The following RBM28 variants were observed in gnomAD, a reference collection of about 807,000 sequenced individuals.
RBM28 encodes RNA binding motif protein 28.
A neutral mutation model predicts 98.3 loss-of-function variants in RBM28; 78 were observed. The ratio of observed to expected loss-of-function variants is 0.79; its 90% CI spans 0.66 to 0.96. The LOEUF (loss-of-function observed/expected upper bound fraction) is 0.96. Among genes scored for constraint, RBM28 ranks in the 40% least tolerant of loss-of-function variants. RBM28 has a pLI of 0.00. For missense variants in RBM28, 838 were observed against 913.0 expected, an observed-to-expected ratio of 0.92 and a Z score of 1.06; for synonymous variants, 306 against 330.9, an observed-to-expected ratio of 0.92 and a Z score of 0.82.
In RBM28 at chr7:128,299,639, G is replaced by A. The variant is rs1795755025; in HGVS notation, c.*11158C>T. ...TTCCATCACATAAAGAACTGGTTAT[G>A]TAAATTATGTTACACTGATACAATC... On this transcript the variant is annotated 3_prime_UTR_variant, in exon 19 of 19. Coordinates refer to ENST00000223073, the MANE Select transcript of RBM28 (RefSeq NM_018077.3). 2 of 152,224 alleles carry A rather than the reference G, an allele frequency of 1.3e-5. No individual in the cohort carries two copies. 9.4% of individuals were successfully genotyped at this position (152,224 alleles called of 1,614,324 possible).
Position 128,335,939 on chromosome 7 carries a change from ATCATCG to A in RBM28, c.711_716del (p.Asp240_Asp241del). ...CAAAAACCCCATCTTCTTCATCATCATCATCGTCATCATCATCGTTTTCTTCCTCTT... is the reference window on the plus strand; with the variant it reads ...CAAAAACCCCATCTTCTTCATCATCATCATCATCATCGTTTTCTTCCTCTT... On this transcript the variant is annotated inframe_deletion, in exon 7 of 19. Transcript: ENST00000223073. The A allele has an allele frequency of 6.2e-7, 1 of 1,604,642 alleles. No homozygotes were observed. The highest frequency in any genetic ancestry group is 8.5e-7 in the Non-Finnish European group (1 of 1,171,732).
intron 13 of RBM28, among the ~76,000 whole-genome samples, chr7:128,321,859 C>T (rs928603743): frequency 1.3e-5 from 2 of 152,046 alleles, no homozygotes; most frequent in South Asian, 2.1e-4. Flanking sequence ...ATCAGCCTGG[C>T]CAACATGGTG....
At chr7:128,319,923 T>C (rs1216597310) in intron 14 of RBM28, among the ~76,000 whole-genome samples, 1 of 151,930 alleles carries the variant, frequency 6.6e-6, no homozygotes, top group Non-Finnish European at 1.5e-5. Context: ...AAACAAGAAA[T>C]TAGTCAAGCA....
Position 128,337,118 on chromosome 7 carries a change from TA to T in RBM28, c.613+12del. 2 of 1,613,538 alleles carry T rather than the reference TA, an allele frequency of 1.2e-6. No individual in the cohort carries two copies. The highest frequency in any genetic ancestry group is 1.7e-6 in the Non-Finnish European group (2 of 1,179,506). On this transcript the variant is annotated intron_variant, in intron 6 of 18. Transcript: ENST00000223073. The stretch of plus-strand genomic sequence containing the variant: ...TACAACGCCCCTACTCACCCAACAC[TA>T]CCACATCTTACCTATAGCAGAAACA...
At chr7:128,336,928 T>C (rs1248102325) in intron 6 of RBM28, among the ~76,000 whole-genome samples, 3 of 152,130 alleles carry the variant, frequency 2.0e-5, no homozygotes, top group Non-Finnish European at 4.4e-5. Context: ...TTTGTATTTT[T>C]AGTAGAGATG....
intron 10 of RBM28, among the ~76,000 whole-genome samples, chr7:128,329,093 T>C (rs1796415349): frequency 6.6e-6 from 1 of 151,690 alleles, no homozygotes; most frequent in Non-Finnish European, 1.5e-5. Context: ...ACACACCAGG[T>C]CTTAAACTTT....
chr7:128,337,134 T>C lies in RBM28; in HGVS notation c.610A>G (p.Ile204Val), dbSNP rs756784651. 1.3e-5 allele frequency: 21 copies of C among 1,613,924 alleles called. No individual in the cohort carries two copies. Among genetic ancestry groups the C allele is most frequent in the African/African-American group, 2.7e-5 (2 of 74,922 alleles). The change falls in exon 6 of 19, where the codon ATA becomes GTA. Residue 204 changes from isoleucine to valine, a missense_variant. Transcript: ENST00000223073. ...ACCCAACACTACCACATCTTACCTA[T>C]AGCAGAAACAGACTGTGTATCTTTA... The part of the protein sequence containing the change: ...KYKDTQSVSA[I>V]GEEKSHESKH...
chr7:128,339,390 A>G, intron 2 of RBM28, 69 bp from the exon 3 acceptor site: 1 of 1,348,218 alleles, frequency 7.4e-7, no homozygotes, highest in Non-Finnish European at 1.0e-6. Context: ...CATCACAGAA[A>G]AAAAAGCTAC....
At chr7:128,314,675 C>T in intron 17 of RBM28, 89 bp downstream of exon 17, 1 of 1,593,542 alleles carries the variant, frequency 6.3e-7, no homozygotes, top group Admixed American at 1.7e-5. Flanking sequence ...TTCAACCAAA[C>T]AAATGCCACA....
chr7:128,333,235 G>C (rs1318121550), intron 9 of RBM28, 55 bp downstream of exon 9: 1 of 1,376,460 alleles, frequency 7.3e-7, no homozygotes, highest in African/African-American at 1.4e-5. Context: ...GAAGAAGAAG[G>C]AAGAGAGATC....
At position 128,335,846 on chromosome 7, in the gene RBM28, C is replaced by A; in HGVS notation, c.809+1G>T. The A allele has an allele frequency of 1.2e-6, 2 of 1,614,124 alleles. No homozygotes were observed. The highest frequency in any genetic ancestry group is 8.5e-7 in the Non-Finnish European group (1 of 1,180,028). ...GTCTCAGAACAGGATGAGCTGCTTA[C>A]CTCTTCTGAATTTGCACAGGCTTGG... On this transcript the variant is annotated splice_donor_variant, in intron 7 of 18. Coordinates refer to ENST00000223073, the MANE Select transcript of RBM28 (RefSeq NM_018077.3). LOFTEE classifies it high-confidence loss of function.
rs61733109 is a variant in RBM28 at position 128,333,354 on chromosome 7, C to T, written c.955G>A (p.Val319Ile). The part of the protein sequence containing the change: ...TEEQEDKAVQ[V>I]SNKKKRKLPS... ...AATTTCCTCTTCTTTTTGTTTGAGA[C>T]TTGCACAGCTAAGGTAAAAAGAAAA... Residue 319 changes from valine to isoleucine, a missense_variant, in exon 9 of 19, where the codon GTC (valine) becomes ATC (isoleucine). Physicochemically the swap from Val to Ile is conservative, Grantham distance 29. Coordinates refer to ENST00000223073, the MANE Select transcript of RBM28 (RefSeq NM_018077.3). 9,058 of 1,597,626 alleles carry T rather than the reference C, an allele frequency of 5.7e-3. 425 individuals carry two copies. The African/African-American group carries it at 0.1, about 18-fold the overall frequency.
intron 13 of RBM28, among the ~76,000 whole-genome samples, chr7:128,323,062 T>C (rs1253273674): frequency 6.6e-6 from 1 of 152,144 alleles, no homozygotes; most frequent in African/African-American, 2.4e-5. Flanking sequence ...AAATGGAGTT[T>C]TTCTAAAATG....
intron 18 of RBM28, 130 bp downstream of exon 18, chr7:128,313,045 C>T (rs557837328): frequency 2.2e-6 from 2 of 910,104 alleles, no homozygotes; most frequent in South Asian, 2.8e-5. Context: ...GCTCAACATT[C>T]TCTAAAAAGC....
rs981973073 is a variant in RBM28, at chr7:128,307,965, C to G, written c.*2832G>C. On this transcript the variant is annotated 3_prime_UTR_variant, in exon 19 of 19. Coordinates refer to ENST00000223073, the MANE Select transcript of RBM28 (RefSeq NM_018077.3). Reference sequence around the variant, plus strand: ...CCCCACCTGTTGTTTTTTAACCAAGCAATCTGCAACTCAACTTTCATGTTA... The same window carrying G: ...CCCCACCTGTTGTTTTTTAACCAAGGAATCTGCAACTCAACTTTCATGTTA... 1 of 152,144 alleles carries G rather than the reference C, an allele frequency of 6.6e-6. No individual in the cohort carries two copies. Among genetic ancestry groups the G allele is most frequent in the African/African-American group, 2.4e-5 (1 of 41,420 alleles). The allele number at this position is 152,144 out of a possible 1,614,324, so 9.4% of individuals were successfully genotyped here. A position where few individuals can be genotyped will look rare whatever the true frequency, so the allele number is the denominator to read the frequency against.
rs777298252 is a variant in RBM28, at chr7:128,325,946, G to C, written c.1130-55C>G. ...CCCAAACTCCCACAGATAAACCAAA[G>C]ACAACATTGCAAATGGCAACAGCCT... On this transcript the variant is annotated intron_variant, in intron 10 of 18. Coordinates refer to ENST00000223073, the MANE Select transcript of RBM28 (RefSeq NM_018077.3). The C allele has an allele frequency of 2.0e-5, 28 of 1,391,746 alleles. 1 individual carries two copies. The highest frequency in any genetic ancestry group is 2.6e-5 in the Non-Finnish European group (25 of 977,824). 86.2% of individuals were successfully genotyped at this position (1,391,746 alleles called of 1,614,324 possible). A position where few individuals can be genotyped will look rare whatever the true frequency, so the allele number is the denominator to read the frequency against.
intron 8 of RBM28, among the ~76,000 whole-genome samples, chr7:128,334,363 G>A (rs574285152): frequency 2.6e-5 from 4 of 152,282 alleles, no homozygotes; most frequent in Admixed American, 2.6e-4. Context: ...TTTTTTAGGT[G>A]AAAGAATGGC....
In RBM28 at chr7:128,336,001, T is replaced by C; in HGVS notation, c.655A>G (p.Lys219Glu). 5.6e-6 allele frequency: 9 copies of C among 1,612,182 alleles called. No individual in the cohort carries two copies. The highest frequency in any genetic ancestry group is 7.6e-6 in the Non-Finnish European group (9 of 1,178,916). Reference sequence around the variant, plus strand: ...TCCTCTTCCTCTCTGCCCTTCTTTTTAACTGATTCCTGATGTTTAGATTCA... The same window carrying C: ...TCCTCTTCCTCTCTGCCCTTCTTTTCAACTGATTCCTGATGTTTAGATTCA... ...SHESKHQESV[K>E]KKGREEEDME... is the part of the protein sequence containing the mutation. The change falls in exon 7 of 19, where the codon AAA (lysine) becomes GAA (glutamate). Residue 219 changes from lysine to glutamate, a missense_variant. By Grantham distance (56) the Lys-to-Glu change is moderately conservative. Transcript: ENST00000223073.
chr7:128,339,847 CA>C, intron 1 of RBM28, 56 bp from the exon 2 acceptor site: 1 of 1,563,312 alleles, frequency 6.4e-7, no homozygotes, highest in Non-Finnish European at 8.8e-7. Flanking sequence ...GAGAGAGAAT[CA>C]TAAGCCAAGA....
Sources: allele counts gnomAD v4.1 joint callset (sites outside exome capture counted in the v4.1 genomes callset), GRCh38; gene constraint gnomAD v4.1.1; transcripts MANE v1.5; gene names NCBI Gene and HGNC (gene_info 2026-07-23, HGNC 2026-07-21).